Variants in LCLAT1 observed in about 807,000 individuals in gnomAD.
LCLAT1 encodes the protein 1-AGP acyltransferase 8.
In LCLAT1, 11 loss-of-function variants were observed where a neutral mutation model predicts 30.7. The ratio of observed to expected loss-of-function variants is 0.36; its 90% CI spans 0.23 to 0.59. The LOEUF (loss-of-function observed/expected upper bound fraction) is 0.59, where lower values mean the gene tolerates loss of function less well. LCLAT1 is among the 20% of genes least tolerant of loss of function. The pLI is 0.77. For missense variants in LCLAT1, 402 were observed against 458.6 expected, an observed-to-expected ratio of 0.88 and a Z score of 1.13; for synonymous variants, 155 against 151.3, an observed-to-expected ratio of 1.02 and a Z score of -0.18.
intron 5 of LCLAT1, among the ~76,000 whole-genome samples, chr2:30,610,039 T>G (rs559842826): frequency 1.3e-5 from 2 of 152,268 alleles, no homozygotes; most frequent in East Asian, 3.9e-4. Context: ...TTGAAGGATA[T>G]AGGACAAATA....
intron 3 of LCLAT1, among the ~76,000 whole-genome samples, chr2:30,558,119 A>G (rs1665019509): frequency 2.0e-5 from 3 of 152,204 alleles, no homozygotes. Flanking sequence ...CACAGAAAAC[A>G]CAAGTACATG....
At chr2:30,478,505 T>C (rs1683154381) in intron 1 of LCLAT1, among the ~76,000 whole-genome samples, 1 of 152,146 alleles carries the variant, frequency 6.6e-6, no homozygotes, top group African/African-American at 2.4e-5. Context: ...ATAGAATAGT[T>C]ATATGTGTAA....
Position 30,642,289 on chromosome 2 carries a change from C to T in LCLAT1, c.*1670C>T, listed in dbSNP as rs551796267. 1 of 152,184 alleles carries T rather than the reference C, an allele frequency of 6.6e-6. No individual in the cohort carries two copies. Among genetic ancestry groups the T allele is most frequent in the South Asian group, 2.1e-4 (1 of 4,828 alleles). 9.4% of individuals were successfully genotyped at this position (152,184 alleles called of 1,614,324 possible). A position where few individuals can be genotyped will look rare whatever the true frequency, so the allele number is the denominator to read the frequency against. On this transcript the variant is annotated 3_prime_UTR_variant, in exon 6 of 6. Transcript: ENST00000379509. Reference sequence around the variant, plus strand: ...ACCAACCCATATTCCTCTGCTCCCCCAAAGCTGTTTCTGATCCTGCTGGGA... The same window carrying T: ...ACCAACCCATATTCCTCTGCTCCCCTAAAGCTGTTTCTGATCCTGCTGGGA...
rs1686280098 is a variant in LCLAT1, at chr2:30,537,038, A to G, written c.364+3724A>G. ...AGGAATTGAGAAAGAAATTCTATGC[A>G]CATGGAAACCAAACATGAGCAGGAG... is the stretch of plus-strand genomic sequence containing the variant. On this transcript the variant is annotated intron_variant, in intron 3 of 5. Transcript: ENST00000379509. 2.0e-5 allele frequency among the ~76,000 whole-genome samples: 3 copies of G among 152,380 alleles called. No individual in the cohort carries two copies. The South Asian group carries it at 6.2e-4, about 32-fold the overall frequency.
chr2:30,470,081 A>G (rs535867030), intron 1 of LCLAT1, among the ~76,000 whole-genome samples: 6 of 152,254 alleles, frequency 3.9e-5, no homozygotes, highest in South Asian at 2.1e-4. Context: ...ACGAGTGTCA[A>G]AATGGTCTTG....
chr2:30,604,499 T>A (rs141199043), intron 5 of LCLAT1, among the ~76,000 whole-genome samples: 16 of 152,174 alleles, frequency 1.1e-4, no homozygotes, highest in Admixed American at 9.8e-4. Context: ...AATAAAACTT[T>A]ATTTATGGAC....
chr2:30,499,729 G>T (rs1488438195), intron 1 of LCLAT1, among the ~76,000 whole-genome samples: 4 of 152,144 alleles, frequency 2.6e-5, no homozygotes, highest in African/African-American at 9.7e-5. Flanking sequence ...CCATAAAAAA[G>T]TTCCATCTGT....
intron 3 of LCLAT1, among the ~76,000 whole-genome samples, chr2:30,543,698 A>G (rs1381436498): frequency 1.3e-5 from 2 of 152,158 alleles, no homozygotes; most frequent in Non-Finnish European, 2.9e-5. Context: ...CAAGTTGTTA[A>G]TAATATTTTG....
chr2:30,578,476 T>G (rs532317993), intron 5 of LCLAT1, among the ~76,000 whole-genome samples: 2 of 152,222 alleles, frequency 1.3e-5, no homozygotes, highest in Admixed American at 6.6e-5. Flanking sequence ...TCCTTAGAAG[T>G]TAAGGCAAAA....
chr2:30,464,840 A>T (rs1346547087), intron 1 of LCLAT1, among the ~76,000 whole-genome samples: 1 of 152,162 alleles, frequency 6.6e-6, no homozygotes, highest in African/African-American at 2.4e-5. Context: ...GGCTTGGCCT[A>T]TTAGGGTTTT....
chr2:30,636,565 C>T lies in LCLAT1; in HGVS notation c.629-3552C>T, dbSNP rs151255348. Among the ~76,000 whole-genome samples the T allele has an allele frequency of 3.6e-3, 546 of 152,194 alleles. 2 individuals carry two copies. The highest frequency in any genetic ancestry group is 0.011 in the African/African-American group (473 of 41,514). ...GTGTCCACAGCCCTCCCTCCACACTCGGTGCTGCCATGAATCTAGAATCTT... is the reference window on the plus strand; with the variant it reads ...GTGTCCACAGCCCTCCCTCCACACTTGGTGCTGCCATGAATCTAGAATCTT... On this transcript the variant is annotated intron_variant, in intron 5 of 5. Coordinates refer to ENST00000379509, the MANE Select transcript of LCLAT1 (RefSeq NM_001002257.3).
chr2:30,634,481 C>T lies in LCLAT1; in HGVS notation c.629-5636C>T, dbSNP rs571902192. On this transcript the variant is annotated intron_variant, in intron 5 of 5. Transcript: ENST00000379509. ...TCTCTACTAAAAATACAAAAATTAG[C>T]TGGGCGTGGTGGTGTGCGTCTGTAG... is the stretch of plus-strand genomic sequence containing the variant. 1.8e-4 allele frequency among the ~76,000 whole-genome samples: 28 copies of T among 152,286 alleles called. 1 individual carries two copies. In the South Asian group the frequency reaches 5.8e-3, roughly 32 times the overall value.
intron 1 of LCLAT1, among the ~76,000 whole-genome samples, chr2:30,498,566 T>C (rs1053956491): frequency 6.6e-6 from 1 of 152,146 alleles, no homozygotes; most frequent in African/African-American, 2.4e-5. Flanking sequence ...GCTTCTTTGT[T>C]TGAAGGAGTT....
At chr2:30,530,496 A>G (rs1030827542) in intron 2 of LCLAT1, among the ~76,000 whole-genome samples, 3 of 152,210 alleles carry the variant, frequency 2.0e-5, no homozygotes, top group Non-Finnish European at 4.4e-5. Context: ...GCTGGATGTC[A>G]AGGGAGAGGA....
intron 1 of LCLAT1, among the ~76,000 whole-genome samples, chr2:30,456,028 T>G (rs918824968): frequency 2.6e-5 from 4 of 151,970 alleles, no homozygotes; most frequent in Non-Finnish European, 5.9e-5. Context: ...TTTAATGAAA[T>G]GTTCTGGGCC....
At chr2:30,537,395 A>AG (rs1440494166) in intron 3 of LCLAT1, among the ~76,000 whole-genome samples, 1 of 152,044 alleles carries the variant, frequency 6.6e-6, no homozygotes, top group African/African-American at 2.4e-5. Flanking sequence ...CTCAAAAAAA[A>AG]AAAAAGATAG....
chr2:30,617,474 A>G (rs766218558), intron 5 of LCLAT1, among the ~76,000 whole-genome samples: 6 of 152,204 alleles, frequency 3.9e-5, no homozygotes, highest in South Asian at 2.1e-4. Context: ...TTAGGATACT[A>G]TGTATAAAAT....
chr2:30,594,677 C>A (rs995570731), intron 5 of LCLAT1, among the ~76,000 whole-genome samples: 1 of 152,144 alleles, frequency 6.6e-6, no homozygotes. Context: ...GGGAGGGTCT[C>A]TTATATCTCA....
chr2:30,506,425 AGAT>A (rs1248395372), intron 1 of LCLAT1, among the ~76,000 whole-genome samples: 1 of 152,134 alleles, frequency 6.6e-6, no homozygotes, highest in African/African-American at 2.4e-5. Context: ...TAATAAGTAA[AGAT>A]GAGTAAAGTC....
Sources: allele counts gnomAD v4.1 joint callset (sites outside exome capture counted in the v4.1 genomes callset), GRCh38; gene constraint gnomAD v4.1.1; transcripts MANE v1.5; gene names NCBI Gene and HGNC (gene_info 2026-07-23, HGNC 2026-07-21).